VPS13B: variants seen among roughly 807,000 people sequenced by gnomAD.
The protein encoded by VPS13B is intermembrane lipid transfer protein VPS13B.
A neutral mutation model predicts 426.4 loss-of-function variants in VPS13B; 285 were observed. The ratio of observed to expected loss-of-function variants is 0.67; its 90% confidence interval spans 0.61 to 0.74. The LOEUF is 0.74. Among genes scored for constraint, VPS13B ranks in the 30% least tolerant of loss-of-function variants. The pLI, the probability that VPS13B is intolerant of heterozygous loss-of-function variation, is 0.00. For missense variants in VPS13B, 4,537 were observed against 4,782.6 expected, an observed-to-expected ratio of 0.95 and a Z score of 1.51; for synonymous variants, 1,676 against 1,676.4, an observed-to-expected ratio of 1.00 and a Z score of 0.01.
intron 38 of VPS13B, 104 bp from the exon 39 acceptor site, chr8:99,720,759 G>C (rs1407323464): frequency 8.1e-7 from 1 of 1,231,034 alleles, no homozygotes; most frequent in East Asian, 2.5e-5. Context: ...TGACCAACTA[G>C]CTTCTTTATA....
intron 2 of VPS13B, among the ~76,000 whole-genome samples, chr8:99,037,536 C>T (rs1247453153): frequency 6.6e-6 from 1 of 152,082 alleles, no homozygotes; most frequent in African/African-American, 2.4e-5. Context: ...CATATTGTTA[C>T]TGTGTTGCTG....
intron 8 of VPS13B, chr8:99,121,727 T>A (rs1847945046): frequency 3.3e-6 from 2 of 599,884 alleles, no homozygotes; most frequent in Non-Finnish European, 4.7e-6. Context: ...AAACATGCCT[T>A]AATATTGTCA....
intron 23 of VPS13B, among the ~76,000 whole-genome samples, chr8:99,463,891 C>A (rs1818963992): frequency 6.6e-6 from 1 of 152,084 alleles, no homozygotes; most frequent in African/African-American, 2.4e-5. Flanking sequence ...GACAGGGTTT[C>A]TCCATGTTGG....
intron 33 of VPS13B, among the ~76,000 whole-genome samples, chr8:99,589,376 C>T (rs887279409): frequency 2.0e-5 from 3 of 151,438 alleles, no homozygotes; most frequent in African/African-American, 7.3e-5. Context: ...CCACAACAGT[C>T]CCCAGTGTGT....
intron 40 of VPS13B, 114 bp from the exon 41 acceptor site, chr8:99,776,661 T>C (rs1011234297): frequency 1.7e-5 from 16 of 963,138 alleles, no homozygotes; most frequent in Admixed American, 6.2e-5. Context: ...TGATAAAATA[T>C]TGACTATAGG....
intron 33 of VPS13B, among the ~76,000 whole-genome samples, chr8:99,624,019 T>A (rs1302610065): frequency 0.01 from 1,119 of 106,590 alleles, 9 homozygotes; most frequent in African/African-American, 0.026. Context: ...TTTTTTTTTT[T>A]TTTTTTTTTT....
chr8:99,700,317 A>G (rs575112455), intron 36 of VPS13B, among the ~76,000 whole-genome samples: 16 of 152,344 alleles, frequency 1.1e-4, no homozygotes, highest in Admixed American at 9.8e-4. Flanking sequence ...AAATTGTTAC[A>G]AATGCAAATT....
chr8:99,385,948 A>C (rs1043510663), intron 20 of VPS13B, among the ~76,000 whole-genome samples: 1 of 152,166 alleles, frequency 6.6e-6, no homozygotes, highest in Admixed American at 6.6e-5. Context: ...TTCTGAAAAA[A>C]AATTTTGAAT....
intron 31 of VPS13B, among the ~76,000 whole-genome samples, chr8:99,558,374 A>T (rs1186250291): frequency 6.6e-6 from 1 of 151,870 alleles, no homozygotes; most frequent in East Asian, 1.9e-4. Flanking sequence ...AGCTCCTATC[A>T]TTTAGCAAGC....
chr8:99,810,371 C>T (rs1429654097), intron 44 of VPS13B, among the ~76,000 whole-genome samples: 1 of 152,152 alleles, frequency 6.6e-6, no homozygotes, highest in Non-Finnish European at 1.5e-5. Flanking sequence ...ATGATAGAAA[C>T]AGCACTTAGT....
Position 99,713,228 on chromosome 8 carries a change from C to G in VPS13B, c.6455-3943C>G, listed in dbSNP as rs747466825. 2.0e-5 allele frequency among the ~76,000 whole-genome samples: 3 copies of G among 152,214 alleles called. No homozygotes were observed. In the South Asian group the frequency reaches 6.2e-4, roughly 31 times the overall value. On this transcript the variant is annotated intron_variant, in intron 36 of 61. Coordinates refer to ENST00000357162, the MANE Select transcript of VPS13B (RefSeq NM_152564.5). ...CCACTATAGCGTGAGAAAGGAATCT[C>G]ATTCCTCTGTATGCTTTGTAGACAA...
chr8:99,161,077 A>G (rs1044015810), intron 15 of VPS13B, among the ~76,000 whole-genome samples: 2 of 152,170 alleles, frequency 1.3e-5, no homozygotes, highest in East Asian at 1.9e-4. Context: ...TAGCAGAAAT[A>G]TTTTCAAAAC....
intron 31 of VPS13B, among the ~76,000 whole-genome samples, chr8:99,568,342 G>C (rs1053969188): frequency 6.1e-4 from 92 of 150,832 alleles, no homozygotes; most frequent in Non-Finnish European, 2.2e-4. Flanking sequence ...CCAGGCTGGA[G>C]TGCAGTGGTG....
chr8:99,174,201 A>G (rs1812507535), intron 16 of VPS13B, among the ~76,000 whole-genome samples: 2 of 152,158 alleles, frequency 1.3e-5, no homozygotes, highest in Admixed American at 6.6e-5. Context: ...CATTTTATGT[A>G]TATGCCACAT....
At chr8:99,050,910 A>G (rs953124673) in intron 3 of VPS13B, among the ~76,000 whole-genome samples, 1 of 152,004 alleles carries the variant, frequency 6.6e-6, no homozygotes, top group African/African-American at 2.4e-5. Flanking sequence ...GTTTGAGTTC[A>G]TTGTAGATTC....
chr8:99,859,102 T>C (rs1816700403), intron 56 of VPS13B, among the ~76,000 whole-genome samples: 1 of 152,196 alleles, frequency 6.6e-6, no homozygotes. Context: ...AGAGGATCAC[T>C]TTGATTTATA....
At chr8:99,378,575 T>C (rs1222630702) in intron 19 of VPS13B, among the ~76,000 whole-genome samples, 2 of 152,206 alleles carry the variant, frequency 1.3e-5, no homozygotes, top group Admixed American at 6.5e-5. Context: ...TAAGAAATTA[T>C]AAAAGTATTA....
rs1279544135 is a variant in VPS13B, at chr8:99,876,202, CCTCATGCTCCTTTGT to C, written c.*539_*553del. ...TTTTTGGGCTGAGTCACCACCTTTG[CCTCATGCTCCTTTGT>C]CTGCAAAGGCCTAGGATTCTTTCTT... On this transcript the variant is annotated 3_prime_UTR_variant, in exon 62 of 62. Transcript: ENST00000357162. The C allele has an allele frequency of 6.1e-6, 1 of 163,682 alleles. No homozygotes were observed. The highest frequency in any genetic ancestry group is 1.3e-5 in the Non-Finnish European group (1 of 74,208). 10.1% of individuals were successfully genotyped at this position (163,682 alleles called of 1,614,324 possible). A position where few individuals can be genotyped will look rare whatever the true frequency, so the allele number is the denominator to read the frequency against.
In VPS13B at chr8:99,861,779, C is replaced by A. The variant is rs1816849677; in HGVS notation, c.11048C>A (p.Thr3683Asn). 1 of 1,593,570 alleles carries A rather than the reference C, an allele frequency of 6.3e-7. No homozygotes were observed. ...TSFVKHISKG[T>N]LTSITNLATS... ...CCCCATGCTCTTGTTCCCTCAGGTACCCTCACATCCATCACCAACCTCGCC... is the reference window on the plus strand; with the variant it reads ...CCCCATGCTCTTGTTCCCTCAGGTAACCTCACATCCATCACCAACCTCGCC... The change falls in exon 58 of 62, where the codon ACC becomes AAC. Residue 3683 changes from threonine to asparagine, a missense_variant. Transcript: ENST00000357162.
Sources: gnomAD v4.1 joint callset for allele counts (sites outside exome capture counted in the v4.1 genomes callset) on GRCh38, gnomAD v4.1.1 for gene constraint, MANE v1.5 for transcripts, NCBI Gene and HGNC (gene_info 2026-07-23, HGNC 2026-07-21) for gene names.